The following EFNA5 variants were observed in gnomAD, a reference collection of about 807,000 sequenced individuals.
EFNA5 encodes ephrin-A5.
Under a neutral mutation model 22.9 loss-of-function variants are expected in EFNA5, and 5 were observed. That is an observed-to-expected ratio of 0.22 (90% CI 0.11 to 0.46). The LOEUF (loss-of-function observed/expected upper bound fraction) is 0.46, where lower values mean the gene tolerates loss of function less well. Ranked by LOEUF, EFNA5 falls within the 20% of genes least tolerant of loss-of-function variation. The pLI, the probability that EFNA5 is intolerant of heterozygous loss-of-function variation, is 0.99. For missense variants in EFNA5, 237 were observed against 293.3 expected (o/e 0.81, Z 1.40); for synonymous variants, 113 against 112.2 (o/e 1.01, Z -0.04).
At chr5:107,498,488 C>A (rs535087143) in intron 1 of EFNA5, among the ~76,000 whole-genome samples, 48 of 152,324 alleles carry the variant, frequency 3.2e-4, no homozygotes, top group African/African-American at 1.1e-3. Context: ...TCCCTGGACC[C>A]CCACACATCA....
intron 1 of EFNA5, among the ~76,000 whole-genome samples, chr5:107,518,247 C>T (rs914747006): frequency 2.7e-5 from 4 of 148,852 alleles, no homozygotes; most frequent in African/African-American, 1.0e-4. Flanking sequence ...GCATACACAA[C>T]TGAGTAATTA....
At chr5:107,652,007 G>T (rs1750745239) in intron 1 of EFNA5, among the ~76,000 whole-genome samples, 1 of 152,162 alleles carries the variant, frequency 6.6e-6, no homozygotes, top group Non-Finnish European at 1.5e-5. Context: ...CCTCGTGTAT[G>T]TGTGGGAGTA....
chr5:107,562,068 A>G (rs1338176984), intron 1 of EFNA5, among the ~76,000 whole-genome samples: 1 of 152,214 alleles, frequency 6.6e-6, no homozygotes. Context: ...ATGTGGATTC[A>G]ACTGCTGAAT....
intron 4 of EFNA5, among the ~76,000 whole-genome samples, chr5:107,384,321 G>A (rs555735602): frequency 6.6e-5 from 10 of 152,292 alleles, no homozygotes; most frequent in African/African-American, 1.9e-4. Flanking sequence ...AATGGTTAAC[G>A]GAGAGAACAC....
At chr5:107,431,854 T>G (rs906491100) in intron 1 of EFNA5, among the ~76,000 whole-genome samples, 2 of 152,212 alleles carry the variant, frequency 1.3e-5, no homozygotes, top group African/African-American at 4.8e-5. Context: ...ATTTTGTAGT[T>G]TTAATTAGTT....
In EFNA5 at chr5:107,379,501, TTC is replaced by T. The variant is rs2112479800; in HGVS notation, c.*1752_*1753del. 1 of 150,964 alleles carries T rather than the reference TTC, an allele frequency of 6.6e-6. No individual in the cohort carries two copies. The highest frequency in any genetic ancestry group is 2.4e-5 in the African/African-American group (1 of 41,014). The allele number at this position is 150,964 out of a possible 1,614,324, so 9.4% of individuals were successfully genotyped here. On this transcript the variant is annotated 3_prime_UTR_variant, in exon 5 of 5. Coordinates refer to ENST00000333274, the MANE Select transcript of EFNA5 (RefSeq NM_001962.3). ...CATTTTACATGATCATCACATTTAT[TTC>T]TTATATTGAAAGGCATGGTTTCTGT...
intron 1 of EFNA5, among the ~76,000 whole-genome samples, chr5:107,492,989 T>A (rs1378167563): frequency 2.1e-5 from 3 of 140,188 alleles, no homozygotes; most frequent in Non-Finnish European, 3.0e-5. Context: ...AGAGACTCCA[T>A]CTCAAAAAAA....
chr5:107,378,749 C>T lies in EFNA5; in HGVS notation c.*2506G>A, dbSNP rs2112479064. ...AATGAAAGACAATGGCAGAGAGGGC[C>T]ATGAGTAATTATTTCACCATTTGTT... On this transcript the variant is annotated 3_prime_UTR_variant, in exon 5 of 5. Transcript: ENST00000333274. The T allele has an allele frequency of 6.6e-6, 1 of 152,228 alleles. No homozygotes were observed. Among genetic ancestry groups the T allele is most frequent in the Admixed American group, 6.5e-5 (1 of 15,292 alleles). 9.4% of individuals were successfully genotyped at this position (152,228 alleles called of 1,614,324 possible).
At chr5:107,635,810 G>T (rs1421804940) in intron 1 of EFNA5, among the ~76,000 whole-genome samples, 1 of 152,136 alleles carries the variant, frequency 6.6e-6, no homozygotes, top group African/African-American at 2.4e-5. Flanking sequence ...TGAAGTCCAG[G>T]TTAGTAAAAG....
At chr5:107,588,610 T>C (rs902084138) in intron 1 of EFNA5, among the ~76,000 whole-genome samples, 4 of 152,238 alleles carry the variant, frequency 2.6e-5, no homozygotes, top group African/African-American at 9.6e-5. Context: ...CTGCATTTCA[T>C]TGCCTGGGTT....
At chr5:107,662,465 G>T (rs942714506) in intron 1 of EFNA5, among the ~76,000 whole-genome samples, 1 of 152,186 alleles carries the variant, frequency 6.6e-6, no homozygotes, top group African/African-American at 2.4e-5. Flanking sequence ...GTAGTAAGCA[G>T]TATAGTATAA....
At chr5:107,395,052 T>TTTTTTTTTTTTTG (rs1554056358) in intron 2 of EFNA5, among the ~76,000 whole-genome samples, 2 of 144,290 alleles carry the variant, frequency 1.4e-5, no homozygotes, top group East Asian at 2.0e-4. Context: ...TTTTTTTTTT[T>TTTTTTTTTTTTTG]CCGCGAGACA....
intron 1 of EFNA5, among the ~76,000 whole-genome samples, chr5:107,475,320 T>G (rs1348629671): frequency 5.9e-5 from 9 of 152,220 alleles, no homozygotes; most frequent in Admixed American, 6.5e-5. Flanking sequence ...ACTTCACACT[T>G]ACCCAGCTAT....
chr5:107,408,819 T>G (rs1748289241), intron 2 of EFNA5, among the ~76,000 whole-genome samples: 1 of 152,172 alleles, frequency 6.6e-6, no homozygotes, highest in African/African-American at 2.4e-5. Context: ...GATTCCTCCT[T>G]CCCTTCCTTG....
intron 1 of EFNA5, among the ~76,000 whole-genome samples, chr5:107,652,638 A>G (rs2112553859): frequency 6.6e-6 from 1 of 152,206 alleles, no homozygotes; most frequent in East Asian, 1.9e-4. Flanking sequence ...TGAATTAACA[A>G]TCCAAATATG....
At chr5:107,383,961 A>C (rs902078296) in intron 4 of EFNA5, among the ~76,000 whole-genome samples, 2 of 152,230 alleles carry the variant, frequency 1.3e-5, no homozygotes, top group African/African-American at 2.4e-5. Flanking sequence ...CCAAAAGGAA[A>C]TCAGTCCCAT....
chr5:107,471,486 A>C (rs1750139765), intron 1 of EFNA5, among the ~76,000 whole-genome samples: 1 of 152,240 alleles, frequency 6.6e-6, no homozygotes, highest in South Asian at 2.1e-4. Flanking sequence ...TGGTCCCAGT[A>C]ACATTTTATA....
rs562309968 is a variant in EFNA5 at position 107,484,183 on chromosome 5, A to G, written c.126-56674T>C. Among the ~76,000 whole-genome samples the G allele has an allele frequency of 1.4e-4, 21 of 152,150 alleles. 1 individual carries two copies. Among genetic ancestry groups the G allele is most frequent in the Non-Finnish European group, 2.6e-4 (18 of 68,040 alleles). ...AGCTGCGACTCTGCAACTGCTGAAC[A>G]CCTTTAGCATCTATATCAAGCTAAG... On this transcript the variant is annotated intron_variant, in intron 1 of 4. Transcript: ENST00000333274.
chr5:107,651,401 A>T (rs1398651757), intron 1 of EFNA5, among the ~76,000 whole-genome samples: 2 of 152,142 alleles, frequency 1.3e-5, no homozygotes, highest in Non-Finnish European at 2.9e-5. Flanking sequence ...TGGCCTATAA[A>T]GCAAAAATGA....
Sources: allele counts gnomAD v4.1 joint callset (sites outside exome capture counted in the v4.1 genomes callset), GRCh38; gene constraint gnomAD v4.1.1; transcripts MANE v1.5; gene names NCBI Gene and HGNC (gene_info 2026-07-23, HGNC 2026-07-21).